Variants in SERPINF1 observed in about 807,000 individuals in gnomAD.
SERPINF1 encodes pigment epithelium-derived factor.
A neutral mutation model predicts 37.3 loss-of-function variants in SERPINF1; 29 were observed. The ratio of observed to expected loss-of-function variants is 0.78; its 90% CI spans 0.58 to 1.06. SERPINF1 has a LOEUF of 1.06. Among genes scored for constraint, SERPINF1 ranks in the 50% least tolerant of loss-of-function variants. The probability of loss-of-function intolerance (pLI) is 0.00; values close to 1 mark genes in which losing one functional copy is unlikely to be tolerated. For synonymous variants in SERPINF1, 281 were observed against 227.9 expected (o/e 1.23, Z -2.10); for missense variants, 553 against 532.2 (o/e 1.04, Z -0.38).
chr17:1,775,882 T>G (rs1907997363), intron 6 of SERPINF1, among the ~76,000 whole-genome samples: 1 of 152,246 alleles, frequency 6.6e-6, no homozygotes, highest in Admixed American at 6.5e-5. Flanking sequence ...CTTTTAGTTC[T>G]AAGTCTGTAA....
rs1224088639 is a variant in SERPINF1 at position 1,777,220 on chromosome 17, G to A, written c.1031G>A (p.Ser344Asn). 5 of 1,614,096 alleles carry A rather than the reference G, an allele frequency of 3.1e-6. No individual in the cohort carries two copies. Among genetic ancestry groups the A allele is most frequent in the East Asian group, 4.5e-5 (2 of 44,862 alleles). Residue 344 changes from serine (S) to asparagine (N), a missense_variant, in exon 8 of 8, where the codon AGC (serine) becomes AAC (asparagine). Transcript: ENST00000254722. ...LQSLFDSPDF[S>N]KITGKPIKLT... ...TCCTTGTTTGATTCACCAGACTTTA[G>A]CAAGATCACAGGCAAACCCATCAAG... is the stretch of plus-strand genomic sequence containing the variant.
Position 1,767,021 on chromosome 17 carries a change from G to A in SERPINF1, c.84+27G>A, listed in dbSNP as rs982337398. 8 of 1,535,828 alleles carry A rather than the reference G, an allele frequency of 5.2e-6. No individual in the cohort carries two copies. The South Asian group carries it at 9.6e-5, about 18-fold the overall frequency. ...TCAGTAGGCAGGCGGGGAGGGCGTG[G>A]TCAGCATTCCCCGCCCCTCCTTGGC... On this transcript the variant is annotated intron_variant, in intron 2 of 7. Transcript: ENST00000254722.
At chr17:1,769,812 G>C (rs777643078) in intron 2 of SERPINF1, 40 bp from the exon 3 acceptor site, 110 of 1,608,734 alleles carry the variant, frequency 6.8e-5, no homozygotes, top group Non-Finnish European at 8.9e-5. Flanking sequence ...ATCTCTGCGA[G>C]TCCCTGAACT....
chr17:1,776,845 TA>T (rs1453050072), intron 7 of SERPINF1, 103 bp downstream of exon 7: 10 of 1,091,040 alleles, frequency 9.2e-6, no homozygotes, highest in Non-Finnish European at 1.4e-5. Flanking sequence ...CACAGGCTTG[TA>T]GGGGGGCCGT....
intron 7 of SERPINF1, among the ~76,000 whole-genome samples, 181 bp from the exon 8 acceptor site, chr17:1,777,006 C>T (rs1908077094): frequency 1.3e-5 from 2 of 151,782 alleles, no homozygotes; most frequent in Non-Finnish European, 2.9e-5. Flanking sequence ...GTTTTCTCAT[C>T]TTGACCTAAC....
intron 5 of SERPINF1, among the ~76,000 whole-genome samples, chr17:1,773,546 CA>C (rs1907865974): frequency 6.6e-6 from 1 of 152,236 alleles, no homozygotes; most frequent in South Asian, 2.1e-4. Context: ...CTGCGCTGGC[CA>C]AATCAGACAA....
At chr17:1,762,283 TGA>T (rs921937805) in intron 1 of SERPINF1, 170 bp downstream of exon 1, 2 of 152,618 alleles carry the variant, frequency 1.3e-5, no homozygotes, top group African/African-American at 2.4e-5. Flanking sequence ...GGTGAGTGGA[TGA>T]GAGAGGGCAG....
intron 5 of SERPINF1, among the ~76,000 whole-genome samples, chr17:1,772,894 G>A (rs923572316): frequency 2.0e-5 from 3 of 150,930 alleles, no homozygotes; most frequent in Admixed American, 6.6e-5. Flanking sequence ...CTATGATGCC[G>A]AGGCTGGTCT....
chr17:1,777,047 C>T (rs894200404), intron 7 of SERPINF1, 140 bp from the exon 8 acceptor site: 4 of 1,351,068 alleles, frequency 3.0e-6, no homozygotes, highest in Admixed American at 1.8e-5. Flanking sequence ...AGTCACTCCA[C>T]CCTCGGTCAG....
chr17:1,762,317 C>T (rs1038059050), intron 1 of SERPINF1: 1 of 152,638 alleles, frequency 6.6e-6, no homozygotes, highest in Non-Finnish European at 1.5e-5. Flanking sequence ...GGGACAAGGC[C>T]GAAGGCCAGG....
At chr17:1,768,556 C>G (rs867088608) in intron 2 of SERPINF1, among the ~76,000 whole-genome samples, 1 of 151,734 alleles carries the variant, frequency 6.6e-6, no homozygotes, top group Non-Finnish European at 1.5e-5. Context: ...TCACTGCAAT[C>G]TTGGCCTCCT....
chr17:1,768,296 T>TG (rs1020822422), intron 2 of SERPINF1, among the ~76,000 whole-genome samples: 13 of 151,382 alleles, frequency 8.6e-5, no homozygotes, highest in Middle Eastern at 3.4e-3. Context: ...CTGGGTGTGG[T>TG]GGGGGGCGCC....
chr17:1,776,009 C>T (rs1028753914), intron 6 of SERPINF1, among the ~76,000 whole-genome samples: 9 of 152,160 alleles, frequency 5.9e-5, no homozygotes, highest in African/African-American at 1.7e-4. Context: ...TCAACGATTT[C>T]GGAGACTCTT....
intron 1 of SERPINF1, among the ~76,000 whole-genome samples, chr17:1,763,649 T>G (rs1597344715): frequency 1.3e-5 from 2 of 152,334 alleles, no homozygotes; most frequent in Middle Eastern, 6.8e-3. Context: ...TCTTCCCTTA[T>G]CCAGATGGCT....
chr17:1,766,953 G>C lies in SERPINF1; in HGVS notation c.43G>C (p.Gly15Arg). ...VLLLCIGALL[G>R]HSSCQNPASP... is the part of the protein sequence containing the mutation. ...ACTCCTCTGCATTGGAGCCCTCCTC[G>C]GGCACAGCAGCTGCCAGAACCCTGC... The change falls in exon 2 of 8, where the codon GGG (glycine) becomes CGG (arginine). Residue 15 changes from glycine (G) to arginine (R), a missense_variant. By Grantham distance (125) the Gly-to-Arg change is moderately radical. Transcript: ENST00000254722. The C allele has an allele frequency of 1.9e-6, 3 of 1,563,848 alleles. No homozygotes were observed. The highest frequency in any genetic ancestry group is 1.2e-5 in the South Asian group (1 of 84,798).
At chr17:1,772,842 G>A (rs778612177) in intron 5 of SERPINF1, among the ~76,000 whole-genome samples, 1 of 151,842 alleles carries the variant, frequency 6.6e-6, no homozygotes, top group African/African-American at 2.4e-5. Flanking sequence ...CACTGCGCCC[G>A]GCCCTTTTAC....
chr17:1,775,299 C>T (rs1907963289), intron 6 of SERPINF1, 99 bp downstream of exon 6: 4 of 1,258,910 alleles, frequency 3.2e-6, no homozygotes, highest in Non-Finnish European at 4.5e-6. Context: ...GATCCGACAG[C>T]TGTCTACATG....
intron 1 of SERPINF1, among the ~76,000 whole-genome samples, chr17:1,764,978 G>A (rs1907283295): frequency 6.6e-6 from 1 of 151,400 alleles, no homozygotes; most frequent in South Asian, 2.1e-4. Flanking sequence ...CAAGTAGCTG[G>A]GATTACAGGC....
intron 5 of SERPINF1, among the ~76,000 whole-genome samples, 174 bp from the exon 6 acceptor site, chr17:1,774,884 T>C (rs1400501036): frequency 6.6e-6 from 1 of 152,130 alleles, no homozygotes; most frequent in Non-Finnish European, 1.5e-5. Flanking sequence ...GAAATAACTG[T>C]AGGCTCCAAG....
Sources: gnomAD v4.1 joint callset for allele counts (sites outside exome capture counted in the v4.1 genomes callset) on GRCh38, gnomAD v4.1.1 for gene constraint, MANE v1.5 for transcripts, NCBI Gene and HGNC (gene_info 2026-07-23, HGNC 2026-07-21) for gene names.